The following MYO3B variants were observed in gnomAD, a reference collection of about 807,000 sequenced individuals.
MYO3B encodes the protein myosin-IIIb.
A neutral mutation model predicts 174.6 loss-of-function variants in MYO3B; 156 were observed. The observed-to-expected ratio is 0.89, with a 90% CI of 0.78 to 1.02. The LOEUF is 1.02. Ranked by LOEUF, MYO3B falls within the 50% of genes least tolerant of loss-of-function variation. MYO3B has a pLI of 0.00. For missense variants in MYO3B, 1,632 were observed against 1,639.4 expected (o/e 1.00, Z 0.08); for synonymous variants, 563 against 569.1 (o/e 0.99, Z 0.15).
In MYO3B at chr2:170,391,601, T is replaced by A; in HGVS notation, c.1659T>A (p.Pro553=). ...AGAAGCTTTCTGATTTCAGACTTCCTGAGGAAAAACCTCCTAGGTAAGTGT... is the reference window on the plus strand; with the variant it reads ...AGAAGCTTTCTGATTTCAGACTTCCAGAGGAAAAACCTCCTAGGTAAGTGT... ...HQKKLSDFRL[P]EEKPPRYIAD... The change falls in exon 15 of 35, where the codon CCT becomes CCA. Residue 553 remains proline (P), a synonymous_variant. Transcript: ENST00000408978. 6.3e-7 allele frequency: 1 copy of A among 1,584,750 alleles called. No homozygotes were observed. The highest frequency in any genetic ancestry group is 8.6e-7 in the Non-Finnish European group (1 of 1,166,836).
intron 7 of MYO3B, among the ~76,000 whole-genome samples, chr2:170,279,944 T>C (rs2093494980): frequency 6.6e-6 from 1 of 152,204 alleles, no homozygotes; most frequent in Non-Finnish European, 1.5e-5. Context: ...CATATGTCTT[T>C]ATGGTAGAAT....
At chr2:170,562,130 A>T (rs938552605) in intron 32 of MYO3B, among the ~76,000 whole-genome samples, 1 of 152,164 alleles carries the variant, frequency 6.6e-6, no homozygotes, top group African/African-American at 2.4e-5. Context: ...GAACATGAAG[A>T]TTGGGATAAT....
intron 22 of MYO3B, among the ~76,000 whole-genome samples, chr2:170,429,245 T>A (rs2094689218): frequency 6.6e-6 from 1 of 152,216 alleles, no homozygotes; most frequent in African/African-American, 2.4e-5. Context: ...GGAATGTAAC[T>A]TCTCTGTATG....
At chr2:170,639,974 G>A (rs1697837508) in intron 32 of MYO3B, among the ~76,000 whole-genome samples, 1 of 152,318 alleles carries the variant, frequency 6.6e-6, no homozygotes, top group Admixed American at 6.5e-5. Context: ...GGTGCCTAGA[G>A]CTTCCGCCAT....
At chr2:170,603,161 T>A (rs1694621299) in intron 32 of MYO3B, among the ~76,000 whole-genome samples, 1 of 152,194 alleles carries the variant, frequency 6.6e-6, no homozygotes. Context: ...CTGAAATCAG[T>A]GGTGATACTA....
intron 6 of MYO3B, among the ~76,000 whole-genome samples, chr2:170,228,032 C>A (rs554046623): frequency 6.6e-6 from 1 of 152,200 alleles, no homozygotes; most frequent in South Asian, 2.1e-4. Context: ...AAGAAAGGGG[C>A]AGCAAGGGAG....
intron 22 of MYO3B, among the ~76,000 whole-genome samples, chr2:170,417,123 T>C (rs1382814129): frequency 6.6e-6 from 1 of 152,114 alleles, no homozygotes; most frequent in African/African-American, 2.4e-5. Context: ...TCTTTATGGG[T>C]CCATCTCTTT....
chr2:170,509,895 C>A (rs958746972), intron 28 of MYO3B, among the ~76,000 whole-genome samples: 1 of 152,170 alleles, frequency 6.6e-6, no homozygotes, highest in East Asian at 1.9e-4. Flanking sequence ...CCCACAGTGA[C>A]GGGTGATGGG....
chr2:170,597,355 G>C (rs1314191468), intron 32 of MYO3B, among the ~76,000 whole-genome samples: 1 of 146,022 alleles, frequency 6.8e-6, no homozygotes, highest in Non-Finnish European at 1.5e-5. Context: ...GCAACAAAGG[G>C]AGACTCCATC....
intron 8 of MYO3B, among the ~76,000 whole-genome samples, chr2:170,342,845 C>T (rs1383666507): frequency 6.6e-6 from 1 of 152,050 alleles, no homozygotes; most frequent in East Asian, 1.9e-4. Flanking sequence ...CCAGAGTTCA[C>T]GCTCAACCAG....
chr2:170,178,788 T>C (rs961777487), intron 1 of MYO3B, among the ~76,000 whole-genome samples: 6 of 152,332 alleles, frequency 3.9e-5, no homozygotes, highest in Admixed American at 3.9e-4. Context: ...AATTTCCTCA[T>C]GCTTTGGTGG....
chr2:170,626,299 G>C (rs142459948), intron 32 of MYO3B, among the ~76,000 whole-genome samples: 34,830 of 151,860 alleles, frequency 0.23, 5,046 homozygotes, highest in East Asian at 0.45. Flanking sequence ...ATCCCTTTAC[G>C]ATTATGTAAT....
At chr2:170,311,551 T>A (rs1272570953) in intron 7 of MYO3B, among the ~76,000 whole-genome samples, 2 of 151,776 alleles carry the variant, frequency 1.3e-5, no homozygotes, top group African/African-American at 4.8e-5. Flanking sequence ...TTTTCCTGTT[T>A]TGTGGGTTGT....
chr2:170,298,828 A>G (rs2093645897), intron 7 of MYO3B, among the ~76,000 whole-genome samples: 1 of 152,116 alleles, frequency 6.6e-6, no homozygotes, highest in Admixed American at 6.5e-5. Context: ...TTAATGACAG[A>G]CCACATATAT....
Position 170,400,307 on chromosome 2 carries a change from G to T in MYO3B, c.1911G>T (p.Leu637Phe), listed in dbSNP as rs751325879. ...DKSEVPNAEALQNAASVLCIS... is the reference protein window; with the variant it reads ...DKSEVPNAEAFQNAASVLCIS... Reference sequence around the variant, plus strand: ...GTGAGGTGCCCAATGCTGAAGCTTTGCAAAATGGTAATTATTTGATATTTG... The same window carrying T: ...GTGAGGTGCCCAATGCTGAAGCTTTTCAAAATGGTAATTATTTGATATTTG... The change falls in exon 17 of 35, where the codon TTG becomes TTT. Residue 637 changes from leucine to phenylalanine, a missense_variant. By Grantham distance (22) the Leu-to-Phe change is conservative. Coordinates refer to ENST00000408978, the MANE Select transcript of MYO3B (RefSeq NM_138995.5). The T allele has an allele frequency of 3.1e-6, 5 of 1,613,512 alleles. No homozygotes were observed. The highest frequency in any genetic ancestry group is 4.2e-6 in the Non-Finnish European group (5 of 1,179,792).
At chr2:170,478,815 G>A (rs1286869418) in intron 25 of MYO3B, among the ~76,000 whole-genome samples, 4 of 146,428 alleles carry the variant, frequency 2.7e-5, no homozygotes, top group African/African-American at 7.6e-5. Flanking sequence ...AGGTGATCTC[G>A]GAGGTCTTGG....
intron 28 of MYO3B, among the ~76,000 whole-genome samples, chr2:170,504,168 T>C (rs16858650): frequency 0.047 from 7,164 of 152,242 alleles, 550 homozygotes; most frequent in African/African-American, 0.16. Context: ...GGAAGTGGCT[T>C]AGGGATGTTG....
intron 22 of MYO3B, among the ~76,000 whole-genome samples, chr2:170,435,488 T>C (rs2094746338): frequency 6.6e-6 from 1 of 152,178 alleles, no homozygotes; most frequent in Non-Finnish European, 1.5e-5. Context: ...GTCCTACTAA[T>C]GGAGACAGGA....
At chr2:170,189,253 C>A (rs2092509842) in intron 1 of MYO3B, among the ~76,000 whole-genome samples, 1 of 151,998 alleles carries the variant, frequency 6.6e-6, no homozygotes, top group Non-Finnish European at 1.5e-5. Context: ...AGGATCTTTT[C>A]TTTATTTTTC....
Sources: allele counts gnomAD v4.1 joint callset (sites outside exome capture counted in the v4.1 genomes callset), GRCh38; gene constraint gnomAD v4.1.1; transcripts MANE v1.5; gene names NCBI Gene and HGNC (gene_info 2026-07-23, HGNC 2026-07-21).